IMMP2L: variants seen among roughly 807,000 people sequenced by gnomAD.
The protein encoded by IMMP2L is mitochondrial inner membrane protease subunit 2.
In IMMP2L, 18 loss-of-function variants were observed where a neutral mutation model predicts 19.3. That is an observed-to-expected ratio of 0.93 (90% CI 0.64 to 1.38). The LOEUF (loss-of-function observed/expected upper bound fraction) is 1.38, where lower values mean the gene tolerates loss of function less well. IMMP2L is among the 40% of genes most tolerant of loss of function. The probability of loss-of-function intolerance (pLI) is 0.00; values close to 1 mark genes in which losing one functional copy is unlikely to be tolerated. For missense variants in IMMP2L, 233 were observed against 218.2 expected (o/e 1.07, Z -0.43); for synonymous variants, 76 against 73.0 (o/e 1.04, Z -0.21).
At chr7:111,027,649 G>T (rs1009732499) in intron 3 of IMMP2L, among the ~76,000 whole-genome samples, 1 of 151,952 alleles carries the variant, frequency 6.6e-6, no homozygotes, top group Non-Finnish European at 1.5e-5. Context: ...ACAGTGAAGA[G>T]CTTGCAAAAA....
chr7:110,873,661 C>A (rs1419603713), intron 5 of IMMP2L, among the ~76,000 whole-genome samples: 3 of 150,762 alleles, frequency 2.0e-5, no homozygotes. Flanking sequence ...GTAATCCCAG[C>A]TACTCAGGAA....
rs762576425 is a variant in IMMP2L, at chr7:111,268,569, CTTTTTTTTTTTTTTTTTTTTT to C, written c.239+218648_239+218668del. Reference sequence around the variant, plus strand: ...GATATGAGTTAAACTTCACATTTCTCTTTTTTTTTTTTTTTTTTTTTTTTTTTTTTTTTTTTTTTTTGAGAC... The same window carrying C: ...GATATGAGTTAAACTTCACATTTCTCTTTTTTTTTTTTTTTTTTTTGAGAC... On this transcript the variant is annotated intron_variant, in intron 3 of 5. Coordinates refer to ENST00000405709, the MANE Select transcript of IMMP2L (RefSeq NM_032549.4). 1.8e-3 allele frequency among the ~76,000 whole-genome samples: 80 copies of C among 44,592 alleles called. 1 individual carries two copies. Among genetic ancestry groups the C allele is most frequent in the African/African-American group, 4.9e-3 (48 of 9,824 alleles). 29.3% of individuals were successfully genotyped at this position (44,592 alleles called of 152,430 possible). A position where few individuals can be genotyped will look rare whatever the true frequency, so the allele number is the denominator to read the frequency against.
intron 3 of IMMP2L, among the ~76,000 whole-genome samples, chr7:111,033,014 G>A (rs1413632523): frequency 6.6e-6 from 1 of 152,106 alleles, no homozygotes; most frequent in African/African-American, 2.4e-5. Flanking sequence ...CTGCTACTCA[G>A]GAGGCTGAGT....
At chr7:110,986,751 A>G (rs1298724639) in intron 3 of IMMP2L, among the ~76,000 whole-genome samples, 2 of 152,074 alleles carry the variant, frequency 1.3e-5, no homozygotes, top group African/African-American at 4.8e-5. Flanking sequence ...TTGTAAAACA[A>G]GATCTTTAAC....
At chr7:111,473,520 T>C (rs1016026770) in intron 3 of IMMP2L, among the ~76,000 whole-genome samples, 1 of 152,186 alleles carries the variant, frequency 6.6e-6, no homozygotes, top group Non-Finnish European at 1.5e-5. Flanking sequence ...CACTGTTGAC[T>C]GTTCTTAGCA....
chr7:111,163,470 T>C (rs1330515680), intron 3 of IMMP2L, among the ~76,000 whole-genome samples: 1 of 152,118 alleles, frequency 6.6e-6, no homozygotes, highest in African/African-American at 2.4e-5. Context: ...GCTTTGTTTA[T>C]CCTTGACACT....
At chr7:111,118,675 ATTAC>A (rs1162349791) in intron 3 of IMMP2L, among the ~76,000 whole-genome samples, 1 of 152,138 alleles carries the variant, frequency 6.6e-6, no homozygotes, top group African/African-American at 2.4e-5. Flanking sequence ...AGATACTATT[ATTAC>A]TTACTTATTA....
At chr7:111,249,664 A>G (rs994570071) in intron 3 of IMMP2L, among the ~76,000 whole-genome samples, 4 of 152,202 alleles carry the variant, frequency 2.6e-5, no homozygotes, top group African/African-American at 9.7e-5. Flanking sequence ...CAAAAAACAC[A>G]TGATTATCTC....
At chr7:111,317,687 A>AAAC (rs1824257830) in intron 3 of IMMP2L, among the ~76,000 whole-genome samples, 1 of 152,156 alleles carries the variant, frequency 6.6e-6, no homozygotes, top group African/African-American at 2.4e-5. Context: ...AGGCTGCTAC[A>AAAC]AACAATCTGT....
At chr7:111,072,811 T>C (rs11978149) in intron 3 of IMMP2L, among the ~76,000 whole-genome samples, 21,638 of 150,548 alleles carry the variant, frequency 0.14, 2,321 homozygotes, top group African/African-American at 0.29. Flanking sequence ...AGGAGAATAG[T>C]GTGAACCCAG....
At chr7:110,730,847 A>C (rs1464823759) in intron 5 of IMMP2L, among the ~76,000 whole-genome samples, 1 of 152,070 alleles carries the variant, frequency 6.6e-6, no homozygotes, top group Non-Finnish European at 1.5e-5. Flanking sequence ...CTTACTCCTC[A>C]GTTTGCAGAC....
At chr7:111,430,970 G>T (rs563751173) in intron 3 of IMMP2L, among the ~76,000 whole-genome samples, 1 of 151,696 alleles carries the variant, frequency 6.6e-6, no homozygotes, top group African/African-American at 2.4e-5. Flanking sequence ...AGTCAGACGT[G>T]GTGGTGAGTG....
rs558206278 is a variant in IMMP2L, at chr7:111,398,052, G to C, written c.239+89186C>G. ...TGCATTTTGTATACAGAATTGGAGA[G>C]AGCTAATCATGTTTTTTTCAGACAA... is the stretch of plus-strand genomic sequence containing the variant. On this transcript the variant is annotated intron_variant, in intron 3 of 5. Transcript: ENST00000405709. Among the ~76,000 whole-genome samples the C allele has an allele frequency of 8.5e-5, 13 of 152,150 alleles. No homozygotes were observed. In the South Asian group the frequency reaches 2.7e-3, roughly 32 times the overall value.
At chr7:110,770,286 C>G (rs1198984879) in intron 5 of IMMP2L, among the ~76,000 whole-genome samples, 1 of 152,160 alleles carries the variant, frequency 6.6e-6, no homozygotes, top group East Asian at 1.9e-4. Flanking sequence ...TATGCAGGGT[C>G]ATTCCTGCAT....
intron 3 of IMMP2L, among the ~76,000 whole-genome samples, chr7:110,999,423 G>T (rs66596422): frequency 7.0e-6 from 1 of 141,944 alleles, no homozygotes; most frequent in Non-Finnish European, 1.5e-5. Flanking sequence ...TTGTCTTCTT[G>T]CTCTATTTTC....
At chr7:110,925,341 C>G (rs1416057170) in intron 4 of IMMP2L, among the ~76,000 whole-genome samples, 2 of 152,066 alleles carry the variant, frequency 1.3e-5, no homozygotes, top group African/African-American at 4.8e-5. Flanking sequence ...GAGGAGGCAT[C>G]TTTAAAAATG....
intron 3 of IMMP2L, among the ~76,000 whole-genome samples, chr7:110,991,666 T>C (rs112902736): frequency 2.5e-3 from 379 of 152,294 alleles, no homozygotes; most frequent in Admixed American, 8.2e-3. Context: ...ACTCTGCTAA[T>C]TGCTTAGGAA....
intron 5 of IMMP2L, among the ~76,000 whole-genome samples, chr7:110,879,769 T>C (rs1292263724): frequency 6.6e-6 from 1 of 152,168 alleles, no homozygotes; most frequent in Non-Finnish European, 1.5e-5. Context: ...GAATCTTCAT[T>C]TCCCATTCCT....
At chr7:110,680,428 T>C (rs1792635381) in intron 5 of IMMP2L, among the ~76,000 whole-genome samples, 1 of 152,160 alleles carries the variant, frequency 6.6e-6, no homozygotes, top group Non-Finnish European at 1.5e-5. Context: ...ACTGCCGTTC[T>C]TAATTTACAC....
Sources: gnomAD v4.1 joint callset for allele counts (sites outside exome capture counted in the v4.1 genomes callset) on GRCh38, gnomAD v4.1.1 for gene constraint, MANE v1.5 for transcripts, NCBI Gene and HGNC (gene_info 2026-07-23, HGNC 2026-07-21) for gene names.